PCDHA3: variants seen among roughly 807,000 people sequenced by gnomAD.
The protein encoded by PCDHA3 is protocadherin alpha-3.
PCDHA3 carries 41 observed loss-of-function variants against 62.2 expected under a neutral mutation model. The observed-to-expected ratio is 0.66, with a 90% CI of 0.51 to 0.86. PCDHA3 has a LOEUF of 0.86. PCDHA3 is among the 40% of genes least tolerant of loss of function. The pLI is 0.00. For synonymous variants in PCDHA3, 640 were observed against 555.4 expected (o/e 1.15, Z -2.14); for missense variants, 1,304 against 1,241.2 (o/e 1.05, Z -0.76).
chr5:140,853,671 A>G (rs1314444035), intron 1 of PCDHA3: 5 of 988,246 alleles, frequency 5.1e-6, no homozygotes, highest in East Asian at 1.1e-4. Flanking sequence ...ATTGGGGCCT[A>G]TGGTCAACCT....
intron 1 of PCDHA3, among the ~76,000 whole-genome samples, chr5:140,872,029 A>C (rs782304127): frequency 7.9e-5 from 12 of 152,224 alleles, no homozygotes; most frequent in Admixed American, 2.6e-4. Context: ...GGAACTGCTA[A>C]GCTCAAAGAA....
At chr5:140,829,237 C>A (rs782289656) in intron 1 of PCDHA3, 1 of 1,614,266 alleles carries the variant, frequency 6.2e-7, no homozygotes, top group Non-Finnish European at 8.5e-7. Flanking sequence ...CAGGTGCCAA[C>A]GGGCAGGTGA....
At chr5:140,839,391 TGA>T (rs2150297382) in intron 1 of PCDHA3, among the ~76,000 whole-genome samples, 1,897 of 151,830 alleles carry the variant, frequency 0.012, 32 homozygotes, top group Middle Eastern at 0.017. Context: ...ATGATGATGA[TGA>T]TGATTATTAT....
intron 1 of PCDHA3, among the ~76,000 whole-genome samples, chr5:140,908,378 C>T (rs951348145): frequency 2.6e-5 from 4 of 152,126 alleles, no homozygotes; most frequent in Admixed American, 6.6e-5. Context: ...AGGACCTGCT[C>T]GAGCCCGATC....
intron 1 of PCDHA3, chr5:140,859,219 T>G (rs901080538): frequency 2.0e-5 from 3 of 149,830 alleles, no homozygotes; most frequent in African/African-American, 4.9e-5. Context: ...CTCTTTCACT[T>G]TAAGGAAGGA....
At chr5:140,988,468 A>G (rs1184589294) in intron 3 of PCDHA3, among the ~76,000 whole-genome samples, 1 of 152,186 alleles carries the variant, frequency 6.6e-6, no homozygotes, top group African/African-American at 2.4e-5. Flanking sequence ...GGGTGTGGGA[A>G]GGGGAATTAG....
chr5:140,873,230 A>G (rs888976655), intron 1 of PCDHA3, among the ~76,000 whole-genome samples: 2 of 152,354 alleles, frequency 1.3e-5, no homozygotes, highest in Admixed American at 1.3e-4. Context: ...AGGCAACAAT[A>G]TAAAAATATA....
intron 1 of PCDHA3, chr5:140,866,616 C>G (rs1470168934): frequency 6.6e-6 from 1 of 152,048 alleles, no homozygotes; most frequent in Non-Finnish European, 1.5e-5. Context: ...TGGAGAACCT[C>G]CTGGGGTTCT....
chr5:140,884,241 C>G lies in PCDHA3; in HGVS notation c.2394+80650C>G, dbSNP rs782355331. 3.7e-6 allele frequency: 6 copies of G among 1,613,408 alleles called. No homozygotes were observed. The South Asian group carries it at 4.4e-5, about 12-fold the overall frequency. ...CTGGTGAAGGACCACGGTGAGCCCG[C>G]GCTGACGGCCACGGCAACGGTGCTG... On this transcript the variant is annotated intron_variant, in intron 1 of 3. Coordinates refer to ENST00000522353, the MANE Select transcript of PCDHA3 (RefSeq NM_018906.3).
intron 1 of PCDHA3, chr5:140,849,716 G>A (rs2150446385): frequency 1.3e-6 from 2 of 1,598,596 alleles, no homozygotes; most frequent in Non-Finnish European, 1.7e-6. Flanking sequence ...ACTACTCGTT[G>A]GTGCTGGACA....
intron 1 of PCDHA3, among the ~76,000 whole-genome samples, chr5:140,933,411 T>C (rs1174569571): frequency 6.6e-6 from 1 of 152,084 alleles, no homozygotes; most frequent in Non-Finnish European, 1.5e-5. Flanking sequence ...CATCTACAGA[T>C]ATTCTGTGTT....
chr5:140,897,253 T>C (rs1481151592), intron 1 of PCDHA3, among the ~76,000 whole-genome samples: 1 of 151,928 alleles, frequency 6.6e-6, no homozygotes, highest in East Asian at 1.9e-4. Flanking sequence ...TACATATGTA[T>C]ACATGTGCCA....
intron 1 of PCDHA3, among the ~76,000 whole-genome samples, chr5:140,975,810 A>T (rs1310331964): frequency 7.4e-6 from 1 of 134,690 alleles, no homozygotes; most frequent in African/African-American, 2.5e-5. Context: ...TTATAATTTT[A>T]ATAGGAACTG....
chr5:140,849,171 G>A (rs1554142799), intron 1 of PCDHA3: 3 of 1,114,430 alleles, frequency 2.7e-6, no homozygotes, highest in South Asian at 1.5e-5. Context: ...GACTGGCACC[G>A]TTCAATTACT....
At chr5:140,814,217 T>G (rs1336263744) in intron 1 of PCDHA3, 1 of 136,188 alleles carries the variant, frequency 7.3e-6, no homozygotes, top group African/African-American at 3.7e-5. Flanking sequence ...TTACTTAGTG[T>G]TTTTTTTTGT....
intron 1 of PCDHA3, among the ~76,000 whole-genome samples, chr5:140,820,762 T>C (rs1554127916): frequency 2.0e-5 from 3 of 152,044 alleles, no homozygotes; most frequent in Non-Finnish European, 4.4e-5. Flanking sequence ...ATAGACAATA[T>C]TAGGATTTTG....
chr5:140,899,268 C>T (rs2067238736), intron 1 of PCDHA3, among the ~76,000 whole-genome samples: 1 of 152,078 alleles, frequency 6.6e-6, no homozygotes, highest in Non-Finnish European at 1.5e-5. Context: ...TGTCTTGTGG[C>T]AGTTTTCAAA....
intron 1 of PCDHA3, among the ~76,000 whole-genome samples, chr5:140,918,149 A>G (rs2078550151): frequency 1.3e-5 from 2 of 151,946 alleles, no homozygotes; most frequent in African/African-American, 4.8e-5. Flanking sequence ...CTTTTTGTGT[A>G]TGTCTATTGT....
chr5:140,968,521 C>G, intron 1 of PCDHA3: 1 of 1,614,180 alleles, frequency 6.2e-7, no homozygotes, highest in Non-Finnish European at 8.5e-7. Context: ...CTACCTCAAC[C>G]AACTCGTCAG....
Sources: allele counts gnomAD v4.1 joint callset (sites outside exome capture counted in the v4.1 genomes callset), GRCh38; gene constraint gnomAD v4.1.1; transcripts MANE v1.5; gene names NCBI Gene and HGNC (gene_info 2026-07-23, HGNC 2026-07-21).